RNF180: variants seen among roughly 807,000 people sequenced by gnomAD.
RNF180 encodes the protein ring finger protein 180.
In RNF180, 38 loss-of-function variants were observed where a neutral mutation model predicts 59.2. The ratio of observed to expected loss-of-function variants is 0.64; its 90% CI spans 0.50 to 0.84. RNF180 has a LOEUF of 0.84. RNF180 is among the 40% of genes least tolerant of loss of function. The pLI, the probability that RNF180 is intolerant of heterozygous loss-of-function variation, is 0.00. For synonymous variants in RNF180, 262 were observed against 240.3 expected (o/e 1.09, Z -0.84); for missense variants, 705 against 700.9 (o/e 1.01, Z -0.07).
chr5:64,246,183 C>A (rs1380479692), intron 5 of RNF180, among the ~76,000 whole-genome samples: 2 of 152,200 alleles, frequency 1.3e-5, no homozygotes, highest in South Asian at 4.1e-4. Flanking sequence ...CTAAAATCGA[C>A]ACCCTAACAT....
chr5:64,248,212 A>G (rs1164662863), intron 5 of RNF180, among the ~76,000 whole-genome samples: 2 of 152,164 alleles, frequency 1.3e-5, no homozygotes, highest in Non-Finnish European at 2.9e-5. Flanking sequence ...AGACTTCATG[A>G]CTAAAACACC....
At chr5:64,340,069 T>C (rs1331395759) in intron 7 of RNF180, among the ~76,000 whole-genome samples, 1 of 152,154 alleles carries the variant, frequency 6.6e-6, no homozygotes, top group African/African-American at 2.4e-5. Context: ...ATTTGAACAG[T>C]ATCCAACTGA....
chr5:64,187,057 C>A (rs956644954), intron 1 of RNF180, among the ~76,000 whole-genome samples: 1 of 152,134 alleles, frequency 6.6e-6, no homozygotes, highest in Admixed American at 6.5e-5. Flanking sequence ...AATCAGAACA[C>A]ATGTCTGCAT....
At chr5:64,366,086 T>C (rs1173765063) in intron 7 of RNF180, among the ~76,000 whole-genome samples, 1 of 151,372 alleles carries the variant, frequency 6.6e-6, no homozygotes, top group Non-Finnish European at 1.5e-5. Context: ...GAACTTAGAG[T>C]TTTTGCAGTG....
rs545176577 is a variant in RNF180 at position 64,285,903 on chromosome 5, C to G, written c.1228-39283C>G. On this transcript the variant is annotated intron_variant, in intron 5 of 7. Coordinates refer to ENST00000389100, the MANE Select transcript of RNF180 (RefSeq NM_001113561.2). The stretch of plus-strand genomic sequence containing the variant: ...GGCTGGAGTCCTGCCCCTGCCATCT[C>G]TCTAAGCAGCTCTCCCTGCCAGCTG... Among the ~76,000 whole-genome samples, 53 of 152,292 alleles carry G rather than the reference C, an allele frequency of 3.5e-4. 1 individual carries two copies. In the Middle Eastern group the frequency reaches 0.01, roughly 29 times the overall value.
At chr5:64,252,612 C>T (rs1015233993) in intron 5 of RNF180, among the ~76,000 whole-genome samples, 2 of 151,986 alleles carry the variant, frequency 1.3e-5, no homozygotes, top group African/African-American at 4.8e-5. Flanking sequence ...CATAGAAATG[C>T]CATCTTTCAG....
intron 5 of RNF180, among the ~76,000 whole-genome samples, chr5:64,260,308 T>C (rs1338917386): frequency 1.3e-5 from 2 of 152,352 alleles, no homozygotes; most frequent in South Asian, 4.1e-4. Context: ...GGTTATGCAG[T>C]AGTCTCTGTA....
chr5:64,208,732 C>T (rs191725577), intron 2 of RNF180, among the ~76,000 whole-genome samples: 1 of 151,940 alleles, frequency 6.6e-6, no homozygotes, highest in South Asian at 2.1e-4. Context: ...ATAAATTCAA[C>T]CCAGCTTTTT....
At chr5:64,354,060 G>A (rs1163767837) in intron 7 of RNF180, among the ~76,000 whole-genome samples, 1 of 151,364 alleles carries the variant, frequency 6.6e-6, no homozygotes, top group Admixed American at 6.6e-5. Context: ...TTTATACTTT[G>A]AACTAGAAGA....
intron 5 of RNF180, among the ~76,000 whole-genome samples, chr5:64,260,689 A>G (rs1308707314): frequency 2.6e-5 from 4 of 152,182 alleles, no homozygotes; most frequent in South Asian, 2.1e-4. Context: ...AATCAAATCA[A>G]TTTAGGGTTG....
chr5:64,175,437 T>G (rs1750184506), intron 1 of RNF180, among the ~76,000 whole-genome samples: 1 of 152,222 alleles, frequency 6.6e-6, no homozygotes, highest in African/African-American at 2.4e-5. Flanking sequence ...GTTGTAAGTG[T>G]GTGGATTTAT....
intron 7 of RNF180, among the ~76,000 whole-genome samples, chr5:64,368,767 C>A (rs558081532): frequency 3.0e-3 from 450 of 152,130 alleles, no homozygotes; most frequent in Middle Eastern, 0.024. Flanking sequence ...GAGATACCAT[C>A]TCACACCAGT....
intron 5 of RNF180, among the ~76,000 whole-genome samples, chr5:64,277,817 C>T (rs980850791): frequency 5.3e-5 from 8 of 152,140 alleles, no homozygotes; most frequent in African/African-American, 1.7e-4. Context: ...AAATCAAAAG[C>T]TTACACAGAA....
intron 1 of RNF180, among the ~76,000 whole-genome samples, chr5:64,190,767 G>A (rs1046028562): frequency 1.3e-5 from 2 of 152,172 alleles, no homozygotes; most frequent in African/African-American, 4.8e-5. Context: ...AAGGCCATGT[G>A]AGGACACAGT....
intron 5 of RNF180, among the ~76,000 whole-genome samples, chr5:64,291,411 G>GTT (rs1464671420): frequency 7.9e-5 from 9 of 113,910 alleles, no homozygotes; most frequent in African/African-American, 2.8e-4. Flanking sequence ...TCTGAAGTAT[G>GTT]TTTTCTTTTT....
chr5:64,254,910 GAT>G (rs888148404), intron 5 of RNF180, among the ~76,000 whole-genome samples: 1 of 152,064 alleles, frequency 6.6e-6, no homozygotes, highest in African/African-American at 2.4e-5. Context: ...AGTGATATCT[GAT>G]ATCTTTCTCT....
rs1746588534 is a variant in RNF180 at position 64,369,629 on chromosome 5, G to A, written c.1594G>A (p.Ala532Thr). 1.3e-6 allele frequency: 2 copies of A among 1,518,942 alleles called. No individual in the cohort carries two copies. Among genetic ancestry groups the A allele is most frequent in the Non-Finnish European group, 1.8e-6 (2 of 1,136,048 alleles). 94.1% of individuals were successfully genotyped at this position (1,518,942 alleles called of 1,614,324 possible). ...ACATCTTCTAGGTTTCCGCAGACAT[G>A]CAGCTCCAGTTACAAGAAGGCAGTT... ...FHLFGGFRRHAAPVTRRQFPH... is the reference protein window; with the variant it reads ...FHLFGGFRRHTAPVTRRQFPH... Residue 532 changes from alanine to threonine, a missense_variant, in exon 8 of 8, where the codon GCA becomes ACA. By Grantham distance (58) the Ala-to-Thr change is moderately conservative. Transcript: ENST00000389100.
intron 5 of RNF180, among the ~76,000 whole-genome samples, chr5:64,268,879 C>T (rs553349815): frequency 6.6e-6 from 1 of 152,142 alleles, no homozygotes; most frequent in African/African-American, 2.4e-5. Flanking sequence ...CTTTTTATCA[C>T]AAGAGCCCTT....
chr5:64,348,495 A>G (rs140720160), intron 7 of RNF180, among the ~76,000 whole-genome samples: 4 of 152,166 alleles, frequency 2.6e-5, no homozygotes, highest in African/African-American at 9.6e-5. Context: ...CATATAGGAG[A>G]TTTTTCAAGC....
Sources: allele counts gnomAD v4.1 joint callset (sites outside exome capture counted in the v4.1 genomes callset), GRCh38; gene constraint gnomAD v4.1.1; transcripts MANE v1.5; gene names NCBI Gene and HGNC (gene_info 2026-07-23, HGNC 2026-07-21).